Variants in SPAG6 observed in about 807,000 individuals in gnomAD.
SPAG6 encodes the protein sperm-associated antigen 6.
SPAG6 carries 49 observed loss-of-function variants against 58.5 expected under a neutral mutation model. The ratio of observed to expected loss-of-function variants is 0.84; its 90% CI spans 0.67 to 1.06. The LOEUF (loss-of-function observed/expected upper bound fraction) is 1.06. Among genes scored for constraint, SPAG6 ranks in the 50% least tolerant of loss-of-function variants. SPAG6 has a pLI of 0.00. For synonymous variants in SPAG6, 233 were observed against 225.6 expected (o/e 1.03, Z -0.29); for missense variants, 560 against 611.3 (o/e 0.92, Z 0.89).
At chr10:22,407,115 T>G (rs1005854967) in intron 9 of SPAG6, among the ~76,000 whole-genome samples, 2 of 151,742 alleles carry the variant, frequency 1.3e-5, no homozygotes, top group African/African-American at 4.9e-5. Context: ...TGTCTTTTAA[T>G]TGAAGAATTT....
At chr10:22,391,501 A>G (rs969729610) in intron 7 of SPAG6, among the ~76,000 whole-genome samples, 1 of 152,206 alleles carries the variant, frequency 6.6e-6, no homozygotes, top group African/African-American at 2.4e-5. Context: ...AAAAGCTAGT[A>G]GAGAAATTCT....
At chr10:22,372,602 A>G (rs763735857) in intron 4 of SPAG6, among the ~76,000 whole-genome samples, 21 of 152,174 alleles carry the variant, frequency 1.4e-4, no homozygotes, top group Non-Finnish European at 2.8e-4. Flanking sequence ...GGTGCTTCCA[A>G]TGAATGGCCG....
chr10:22,414,386 G>A (rs780633941), intron 10 of SPAG6, among the ~76,000 whole-genome samples: 2 of 152,122 alleles, frequency 1.3e-5, no homozygotes, highest in African/African-American at 2.4e-5. Flanking sequence ...TCTTTCCGAA[G>A]GAGTACGCTA....
chr10:22,368,319 A>G (rs559491189), intron 3 of SPAG6, among the ~76,000 whole-genome samples, 176 bp from the exon 4 acceptor site: 13 of 152,358 alleles, frequency 8.5e-5, no homozygotes, highest in African/African-American at 3.1e-4. Context: ...AACAGAAGCA[A>G]TGAGGGCACA....
chr10:22,375,425 C>T (rs997543511), intron 4 of SPAG6, among the ~76,000 whole-genome samples: 1 of 152,078 alleles, frequency 6.6e-6, no homozygotes, highest in Non-Finnish European at 1.5e-5. Context: ...ATTTTTAAAT[C>T]CACAGTCTAC....
chr10:22,393,249 C>T (rs1410530744), intron 8 of SPAG6, among the ~76,000 whole-genome samples: 3 of 152,082 alleles, frequency 2.0e-5, no homozygotes, highest in Non-Finnish European at 4.4e-5. Flanking sequence ...CTCCTCCTTT[C>T]CTTCTCCTCT....
At chr10:22,364,772 C>A in intron 2 of SPAG6, 81 bp from the exon 3 acceptor site, 1 of 945,384 alleles carries the variant, frequency 1.1e-6, no homozygotes, top group Non-Finnish European at 1.5e-6. Flanking sequence ...TTTAATTTTA[C>A]TGTCTGCATA....
At chr10:22,385,991 G>T (rs1483752096) in intron 4 of SPAG6, among the ~76,000 whole-genome samples, 1 of 152,114 alleles carries the variant, frequency 6.6e-6, no homozygotes, top group East Asian at 1.9e-4. Context: ...ATATGGGTCT[G>T]CTTGCCTGTC....
At chr10:22,395,669 C>A (rs1210698027) in intron 8 of SPAG6, among the ~76,000 whole-genome samples, 3 of 152,128 alleles carry the variant, frequency 2.0e-5, no homozygotes, top group Non-Finnish European at 4.4e-5. Flanking sequence ...TTCTCACATT[C>A]TGTGGGTTAT....
chr10:22,351,174 G>C (rs553116980), intron 2 of SPAG6, among the ~76,000 whole-genome samples: 13 of 152,254 alleles, frequency 8.5e-5, no homozygotes, highest in African/African-American at 2.6e-4. Context: ...GAGGACTATC[G>C]TGGAGTTTGA....
rs371360063 is a variant in SPAG6 at position 22,398,029 on chromosome 10, T to C, written c.1198-3132T>C. Among the ~76,000 whole-genome samples, 82 of 152,302 alleles carry C rather than the reference T, an allele frequency of 5.4e-4. No homozygotes were observed. The East Asian group carries it at 0.013, about 23-fold the overall frequency. Reference sequence around the variant, plus strand: ...CACAAAGCTATAGTAATCAAGATAATGTGGTACTTGCTTACAGAAAGACAT... The same window carrying C: ...CACAAAGCTATAGTAATCAAGATAACGTGGTACTTGCTTACAGAAAGACAT... On this transcript the variant is annotated intron_variant, in intron 8 of 10. Coordinates refer to ENST00000376624, the MANE Select transcript of SPAG6 (RefSeq NM_012443.4).
chr10:22,388,033 GTTAGTT>G (rs1170727688), intron 6 of SPAG6, 37 bp downstream of exon 6: 6 of 1,520,052 alleles, frequency 3.9e-6, no homozygotes, highest in Non-Finnish European at 5.3e-6. Flanking sequence ...ATATGTAGTA[GTTAGTT>G]TTAGTTTTTA....
At chr10:22,365,356 C>A (rs1477513232) in intron 3 of SPAG6, among the ~76,000 whole-genome samples, 1 of 152,098 alleles carries the variant, frequency 6.6e-6, no homozygotes, top group East Asian at 1.9e-4. Context: ...TCTCAGCAGT[C>A]CTTATATGCT....
chr10:22,357,351 A>G (rs1295966978), intron 2 of SPAG6, among the ~76,000 whole-genome samples: 1 of 152,152 alleles, frequency 6.6e-6, no homozygotes, highest in Non-Finnish European at 1.5e-5. Context: ...CCTTGAGGTC[A>G]AGGACAATTG....
intron 3 of SPAG6, among the ~76,000 whole-genome samples, chr10:22,367,714 C>T (rs955723724): frequency 1.3e-5 from 2 of 151,890 alleles, no homozygotes; most frequent in Non-Finnish European, 2.9e-5. Context: ...ATTTTTTTAG[C>T]GATATGAAGA....
chr10:22,347,619 A>T (rs983350934), intron 2 of SPAG6, among the ~76,000 whole-genome samples: 2 of 152,226 alleles, frequency 1.3e-5, no homozygotes, highest in African/African-American at 4.8e-5. Flanking sequence ...CTTTTAAGAT[A>T]CGGAGTATCA....
intron 2 of SPAG6, among the ~76,000 whole-genome samples, chr10:22,349,853 G>T (rs746380619): frequency 3.3e-5 from 5 of 152,060 alleles, no homozygotes; most frequent in Non-Finnish European, 7.4e-5. Context: ...ATATGCTGTT[G>T]ACATAAAGTG....
chr10:22,401,083 C>A, intron 8 of SPAG6, 78 bp from the exon 9 acceptor site: 1 of 715,490 alleles, frequency 1.4e-6, no homozygotes, highest in Non-Finnish European at 2.4e-6. Context: ...TTTGAAATTC[C>A]AGGAATGTCA....
chr10:22,392,459 C>T (rs1834203690), intron 8 of SPAG6, among the ~76,000 whole-genome samples: 1 of 151,656 alleles, frequency 6.6e-6, no homozygotes, highest in African/African-American at 2.4e-5. Context: ...TTTTAAAAGG[C>T]AGATTTTCTG....
Sources: gnomAD v4.1 joint callset for allele counts (sites outside exome capture counted in the v4.1 genomes callset) on GRCh38, gnomAD v4.1.1 for gene constraint, MANE v1.5 for transcripts, NCBI Gene and HGNC (gene_info 2026-07-23, HGNC 2026-07-21) for gene names.